The following UBA6 variants were observed in gnomAD, a reference collection of about 807,000 sequenced individuals.
The protein encoded by UBA6 is ubiquitin-like modifier-activating enzyme 6.
A neutral mutation model predicts 148.3 loss-of-function variants in UBA6; 87 were observed. That is an observed-to-expected ratio of 0.59 (90% CI 0.49 to 0.70). The LOEUF (loss-of-function observed/expected upper bound fraction) is 0.70, where lower values mean the gene tolerates loss of function less well. Among genes scored for constraint, UBA6 ranks in the 30% least tolerant of loss-of-function variants. UBA6 has a pLI of 0.00. For synonymous variants in UBA6, 376 were observed against 401.0 expected, an observed-to-expected ratio of 0.94 and a Z score of 0.75; for missense variants, 1,186 against 1,241.2, an observed-to-expected ratio of 0.96 and a Z score of 0.67.
At chr4:67,619,309 A>C (rs1031853424) in intron 32 of UBA6, among the ~76,000 whole-genome samples, 177 bp from the exon 33 acceptor site, 4 of 152,220 alleles carry the variant, frequency 2.6e-5, no homozygotes, top group Non-Finnish European at 5.9e-5. Flanking sequence ...TTTATACTCA[A>C]GACACTCATT....
intron 7 of UBA6, among the ~76,000 whole-genome samples, chr4:67,670,926 C>T (rs570525601): frequency 6.6e-6 from 1 of 152,194 alleles, no homozygotes; most frequent in Non-Finnish European, 1.5e-5. Context: ...ATAACTCTGG[C>T]TTAATAGTCC....
rs759672011 is a variant in UBA6 at position 67,694,286 on chromosome 4, T to TAA, written c.134+2357_134+2358dup. On this transcript the variant is annotated intron_variant, in intron 2 of 32. Transcript: ENST00000322244. ...ACCAAATCTTCAGATTCAGTCACTA[T>TAA]AAAAAAAAAAACCCTCAAACATTTA... 7.9e-3 allele frequency among the ~76,000 whole-genome samples: 988 copies of TAA among 124,906 alleles called. 34 individuals are homozygous for TAA. Among genetic ancestry groups the TAA allele is most frequent in the African/African-American group, 0.027 (924 of 34,158 alleles). The allele number at this position is 124,906 out of a possible 152,430, so 81.9% of individuals were successfully genotyped here.
chr4:67,689,849 T>C (rs888166718), intron 2 of UBA6, among the ~76,000 whole-genome samples: 1 of 152,118 alleles, frequency 6.6e-6, no homozygotes, highest in Admixed American at 6.6e-5. Context: ...AATCATTCAA[T>C]AATCATTTAA....
At chr4:67,621,379 A>T (rs1728746598) in intron 32 of UBA6, among the ~76,000 whole-genome samples, 2 of 152,264 alleles carry the variant, frequency 1.3e-5, no homozygotes. Flanking sequence ...TACTAGTCTG[A>T]CAAATATTTG....
chr4:67,633,289 A>G, intron 23 of UBA6, 56 bp downstream of exon 23: 1 of 1,428,214 alleles, frequency 7.0e-7, no homozygotes. Context: ...TAATTTGTTA[A>G]TAACTAAATA....
chr4:67,646,589 A>G (rs897331422), intron 15 of UBA6, 135 bp downstream of exon 15: 4 of 602,664 alleles, frequency 6.6e-6, no homozygotes, highest in Admixed American at 3.2e-5. Flanking sequence ...TGACACTTAA[A>G]ATGATTCCTA....
chr4:67,662,202 G>T lies in UBA6; in HGVS notation c.1091C>A (p.Thr364Asn). The change falls in exon 13 of 33, where the codon ACC becomes AAC. Residue 364 changes from threonine to asparagine, a missense_variant. Transcript: ENST00000322244. Reference protein sequence around the residue: ...LLKLATSISETLEEKPDVNAD... With the variant: ...LLKLATSISENLEEKPDVNAD... ...TTCAATAGTCACCTTCTCTTCCAAG[G>T]TTTCACTTATAGATGTTGCTAGTTT... The T allele has an allele frequency of 6.2e-7, 1 of 1,613,504 alleles. No individual in the cohort carries two copies.
At chr4:67,620,532 T>C (rs1386745995) in intron 32 of UBA6, among the ~76,000 whole-genome samples, 1 of 152,120 alleles carries the variant, frequency 6.6e-6, no homozygotes, top group Non-Finnish European at 1.5e-5. Flanking sequence ...GCAAAGGTCC[T>C]ACAATGGAGC....
intron 13 of UBA6, among the ~76,000 whole-genome samples, chr4:67,661,111 T>C (rs1729840583): frequency 6.6e-6 from 1 of 152,154 alleles, no homozygotes; most frequent in South Asian, 2.1e-4. Context: ...TACAGGCTCA[T>C]AGGTGGAAGG....
intron 13 of UBA6, among the ~76,000 whole-genome samples, chr4:67,649,526 T>C (rs550462436): frequency 1.3e-3 from 194 of 152,298 alleles, no homozygotes; most frequent in African/African-American, 4.3e-3. Context: ...GTGATGCCAG[T>C]CAGACATATT....
At chr4:67,679,825 AACGTTCT>A (rs1214231488) in intron 4 of UBA6, among the ~76,000 whole-genome samples, 1 of 152,140 alleles carries the variant, frequency 6.6e-6, no homozygotes, top group Admixed American at 6.6e-5. Flanking sequence ...ACTCATTACG[AACGTTCT>A]AGCTCTGCCC....
chr4:67,620,868 A>T (rs1326639649), intron 32 of UBA6, among the ~76,000 whole-genome samples: 1 of 152,192 alleles, frequency 6.6e-6, no homozygotes, highest in African/African-American at 2.4e-5. Flanking sequence ...AACAAAACTA[A>T]GCAGCTGAGC....
intron 17 of UBA6, 89 bp downstream of exon 17, chr4:67,644,609 T>G (rs1004560383): frequency 4.2e-6 from 3 of 719,528 alleles, no homozygotes; most frequent in Non-Finnish European, 7.1e-6. Flanking sequence ...TTCAAAAAAC[T>G]GATACTTCAG....
chr4:67,695,814 C>T (rs1730818981), intron 2 of UBA6, among the ~76,000 whole-genome samples: 1 of 152,092 alleles, frequency 6.6e-6, no homozygotes, highest in Non-Finnish European at 1.5e-5. Context: ...GCATAGAGTA[C>T]AAAACAGGAT....
chr4:67,650,237 A>G (rs1264889720), intron 13 of UBA6, among the ~76,000 whole-genome samples: 3 of 152,202 alleles, frequency 2.0e-5, no homozygotes, highest in East Asian at 3.8e-4. Flanking sequence ...GTCCTTACAC[A>G]ACCTTCAAAA....
chr4:67,669,451 A>G (rs1730087729), intron 8 of UBA6, among the ~76,000 whole-genome samples: 1 of 152,218 alleles, frequency 6.6e-6, no homozygotes, highest in East Asian at 1.9e-4. Context: ...TAAAGACAGA[A>G]GTACAAATTA....
At chr4:67,650,130 G>A (rs72642367) in intron 13 of UBA6, among the ~76,000 whole-genome samples, 18,529 of 152,026 alleles carry the variant, frequency 0.12, 1,290 homozygotes, top group South Asian at 0.22. Context: ...TGCAATTTTT[G>A]AATGCAGATA....
rs1205765953 is a variant in UBA6 at position 67,614,706 on chromosome 4, T to C, written c.*4291A>G. On this transcript the variant is annotated 3_prime_UTR_variant, in exon 33 of 33. Transcript: ENST00000322244. ...TCACGCTCTAATTTTAAAACACTCATACTTCCTAGTACTTAACCATTAATA... is the reference window on the plus strand; with the variant it reads ...TCACGCTCTAATTTTAAAACACTCACACTTCCTAGTACTTAACCATTAATA... The C allele has an allele frequency of 6.6e-6, 1 of 152,170 alleles. No homozygotes were observed. Among genetic ancestry groups the C allele is most frequent in the Non-Finnish European group, 1.5e-5 (1 of 68,026 alleles). 9.4% of individuals were successfully genotyped at this position (152,170 alleles called of 1,614,324 possible).
At chr4:67,684,953 C>T (rs1730522925) in intron 2 of UBA6, among the ~76,000 whole-genome samples, 1 of 152,110 alleles carries the variant, frequency 6.6e-6, no homozygotes, top group Non-Finnish European at 1.5e-5. Flanking sequence ...TACATAAGCA[C>T]CTAGAATTAA....
Sources: allele counts gnomAD v4.1 joint callset (sites outside exome capture counted in the v4.1 genomes callset), GRCh38; gene constraint gnomAD v4.1.1; transcripts MANE v1.5; gene names NCBI Gene and HGNC (gene_info 2026-07-23, HGNC 2026-07-21).